The following PCNX2 variants were observed in gnomAD, a reference collection of about 807,000 sequenced individuals.
The protein encoded by PCNX2 is pecanex-like protein 2.
PCNX2 carries 168 observed loss-of-function variants against 223.8 expected under a neutral mutation model. The observed-to-expected ratio is 0.75, with a 90% CI of 0.66 to 0.85. The LOEUF is 0.85. PCNX2 is among the 40% of genes least tolerant of loss of function. The pLI is 0.00. For synonymous variants in PCNX2, 1,006 were observed against 1,052.6 expected (o/e 0.96, Z 0.86); for missense variants, 2,507 against 2,675.5 (o/e 0.94, Z 1.39).
At chr1:233,008,946 A>G (rs1670373324) in intron 28 of PCNX2, among the ~76,000 whole-genome samples, 2 of 152,178 alleles carry the variant, frequency 1.3e-5, no homozygotes, top group Non-Finnish European at 2.9e-5. Flanking sequence ...ACCCCAGGGA[A>G]GTGTCCATGC....
rs1313798265 is a variant in PCNX2, at chr1:232,986,299, C to T, written c.6033G>A (p.Glu2011=). 1.3e-6 allele frequency: 2 copies of T among 1,572,982 alleles called. No homozygotes were observed. Among genetic ancestry groups the T allele is most frequent in the Non-Finnish European group, 8.6e-7 (1 of 1,160,104 alleles). The change falls in exon 33 of 34, where the codon GAG becomes GAA. Residue 2011 remains glutamate, a synonymous_variant. Transcript: ENST00000258229. The stretch of plus-strand genomic sequence containing the variant: ...TGGACCTGATGAGCGCCTCGGCCCG[C>T]TCACGGACACTCAGGTGGCCGGTGG... The part of the protein sequence containing the change: ...VTTTGHLSVR[E]RAEALIRSSL...
intron 15 of PCNX2, 142 bp from the exon 16 acceptor site, chr1:233,179,317 G>A (rs1184223484): frequency 2.4e-6 from 2 of 847,002 alleles, no homozygotes; most frequent in East Asian, 2.8e-5. Context: ...GGACATATAA[G>A]CATCTGGTGG....
intron 20 of PCNX2, among the ~76,000 whole-genome samples, chr1:233,138,204 G>A (rs186265383): frequency 2.5e-3 from 380 of 152,300 alleles, no homozygotes; most frequent in Non-Finnish European, 3.9e-3. Flanking sequence ...CAGCTATATA[G>A]ATAACGTGCA....
At position 232,998,273 on chromosome 1, in the gene PCNX2, G is replaced by A; in HGVS notation, c.5769C>T (p.Ser1923=). ...RKGGAQHGVS[S]CEGTQRTGRR... is the part of the protein sequence containing the mutation. Reference sequence around the variant, plus strand: ...CACCTGTTCTCTGTGTCCCTTCACAGGATGACACCCCGTGCTGAGCACCGC... The same window carrying A: ...CACCTGTTCTCTGTGTCCCTTCACAAGATGACACCCCGTGCTGAGCACCGC... Residue 1923 remains serine (S), a synonymous_variant, in exon 32 of 34, where the codon TCC becomes TCT. Transcript: ENST00000258229. 2.5e-6 allele frequency: 4 copies of A among 1,591,912 alleles called. No individual in the cohort carries two copies. The highest frequency in any genetic ancestry group is 3.4e-6 in the Non-Finnish European group (4 of 1,168,956).
At chr1:233,157,440 T>C (rs1040655484) in intron 19 of PCNX2, among the ~76,000 whole-genome samples, 2 of 152,214 alleles carry the variant, frequency 1.3e-5, no homozygotes, top group South Asian at 4.1e-4. Context: ...ATTAGAAATG[T>C]CTGCCACCAG....
intron 1 of PCNX2, among the ~76,000 whole-genome samples, chr1:233,273,243 GT>G (rs58829979): frequency 0.012 from 1,780 of 151,654 alleles, 30 homozygotes; most frequent in African/African-American, 0.04. Flanking sequence ...TAAAGGAACA[GT>G]GAGATGAAAA....
chr1:233,235,955 AAAATATATATATATATAT>A (rs1349468988), intron 9 of PCNX2, among the ~76,000 whole-genome samples: 1 of 41,478 alleles, frequency 2.4e-5, no homozygotes, highest in African/African-American at 6.7e-5. Context: ...ATCATAAAAA[AAAATATATATATATATAT>A]ATATATATAT....
upstream of PCNX2, among the ~76,000 whole-genome samples, chr1:233,298,455 G>A (rs553975874): frequency 5.9e-5 from 9 of 152,326 alleles, no homozygotes; most frequent in South Asian, 1.9e-3. Flanking sequence ...AAGATTGAAT[G>A]TGTAGTGAAT....
chr1:233,296,879 T>G (rs1477786661), upstream of PCNX2, among the ~76,000 whole-genome samples: 1 of 152,150 alleles, frequency 6.6e-6, no homozygotes, highest in East Asian at 1.9e-4. Context: ...AGGCCCATCA[T>G]GAGGAGAGGG....
At position 233,017,032 on chromosome 1, in the gene PCNX2, G is replaced by GAACATTGCAAGGTCAC. The variant is rs1670696091; in HGVS notation, c.4712_4727dup (p.Phe1576LeufsTer2). On this transcript the variant is annotated stop_gained and frameshift_variant, in exon 27 of 34. Transcript: ENST00000258229. LOFTEE classifies it high-confidence loss of function. ...CGTAGTCATCATCAATGTTAATGTTGAACATTGCAAGGTCACGCTCAATGT... is the reference window on the plus strand; with the variant it reads ...CGTAGTCATCATCAATGTTAATGTTGAACATTGCAAGGTCACAACATTGCAAGGTCACGCTCAATGT... The GAACATTGCAAGGTCAC allele has an allele frequency of 6.2e-7, 1 of 1,613,824 alleles. No individual in the cohort carries two copies. The highest frequency in any genetic ancestry group is 2.2e-5 in the East Asian group (1 of 44,888).
intron 9 of PCNX2, 93 bp downstream of exon 9, chr1:233,236,752 G>C (rs568276242): frequency 6.5e-7 from 1 of 1,534,898 alleles, no homozygotes; most frequent in African/African-American, 1.4e-5. Flanking sequence ...GGAAAGAGCT[G>C]ACTAATCCTG....
chr1:233,264,492 T>A (rs1398578446), intron 1 of PCNX2, among the ~76,000 whole-genome samples: 1 of 152,016 alleles, frequency 6.6e-6, no homozygotes, highest in African/African-American at 2.4e-5. Context: ...AGTTGGACTG[T>A]CCCTAAAATG....
At chr1:233,311,527 G>A in the PCNX2 span, among the ~76,000 whole-genome samples, 1 of 152,136 alleles carries the variant, frequency 6.6e-6, no homozygotes, top group Non-Finnish European at 1.5e-5. Context: ...GAACACCAAA[G>A]CTTTGAATAA....
At chr1:233,178,256 C>A (rs539360488) in intron 16 of PCNX2, among the ~76,000 whole-genome samples, 1 of 152,290 alleles carries the variant, frequency 6.6e-6, no homozygotes, top group East Asian at 1.9e-4. Flanking sequence ...ATTGTGTGAA[C>A]CATGTTTAAC....
At chr1:233,210,883 T>A (rs1216842612) in intron 12 of PCNX2, among the ~76,000 whole-genome samples, 1 of 152,152 alleles carries the variant, frequency 6.6e-6, no homozygotes, top group African/African-American at 2.4e-5. Flanking sequence ...TGTGTGCATT[T>A]GCGTTTTCCA....
At position 233,067,749 on chromosome 1, in the gene PCNX2, A is replaced by G. The variant is rs563817783; in HGVS notation, c.4077-10459T>C. On this transcript the variant is annotated intron_variant, in intron 23 of 33. Coordinates refer to ENST00000258229, the MANE Select transcript of PCNX2 (RefSeq NM_014801.4). ...CGGCCTCCCAAAGTGCTGGGATTAC[A>G]GGTGTGAGCTGCAGTGCCTGACCAA... 2.0e-5 allele frequency among the ~76,000 whole-genome samples: 3 copies of G among 152,322 alleles called. No homozygotes were observed. The East Asian group carries it at 5.8e-4, about 29-fold the overall frequency.
the PCNX2 span, among the ~76,000 whole-genome samples, chr1:233,316,573 C>G: frequency 2.0e-5 from 3 of 152,204 alleles, no homozygotes; most frequent in African/African-American, 7.2e-5. Context: ...ACACCTCCTT[C>G]ATTTATAATT....
chr1:233,018,834 GT>G (rs1244328462), intron 26 of PCNX2: 1 of 985,326 alleles, frequency 1.0e-6, no homozygotes, highest in Non-Finnish European at 1.2e-6. Flanking sequence ...GTGTGCTCCT[GT>G]TAGAAACAAA....
Position 232,998,237 on chromosome 1 carries a change from C to G in PCNX2, c.5791+14G>C, listed in dbSNP as rs775998851. ...GGACTTCATCGATAGTTTGGAGGCC[C>G]CTGCTGCACCCACCTGTTCTCTGTG... On this transcript the variant is annotated intron_variant, in intron 32 of 33. Coordinates refer to ENST00000258229, the MANE Select transcript of PCNX2 (RefSeq NM_014801.4). The G allele has an allele frequency of 2.5e-4, 378 of 1,524,202 alleles. No individual in the cohort carries two copies. The highest frequency in any genetic ancestry group is 3.3e-4 in the Non-Finnish European group (374 of 1,137,412). The allele number at this position is 1,524,202 out of a possible 1,614,324, so 94.4% of individuals were successfully genotyped here.
Sources: allele counts gnomAD v4.1 joint callset (sites outside exome capture counted in the v4.1 genomes callset), GRCh38; gene constraint gnomAD v4.1.1; transcripts MANE v1.5; gene names NCBI Gene and HGNC (gene_info 2026-07-23, HGNC 2026-07-21).